LRRTM3: variants seen among roughly 807,000 people sequenced by gnomAD.
LRRTM3 encodes the protein leucine-rich repeat transmembrane neuronal protein 3.
Under a neutral mutation model 44.7 loss-of-function variants are expected in LRRTM3, and 24 were observed. The ratio of observed to expected loss-of-function variants is 0.54; its 90% CI spans 0.39 to 0.76. The LOEUF (loss-of-function observed/expected upper bound fraction) is 0.76. Among genes scored for constraint, LRRTM3 ranks in the 30% least tolerant of loss-of-function variants. The pLI is 0.00. For missense variants in LRRTM3, 587 were observed against 702.2 expected, an observed-to-expected ratio of 0.84 and a Z score of 1.85; for synonymous variants, 277 against 278.7, an observed-to-expected ratio of 0.99 and a Z score of 0.06.
At chr10:66,971,310 C>A (rs1017729345) in intron 2 of LRRTM3, among the ~76,000 whole-genome samples, 4 of 152,032 alleles carry the variant, frequency 2.6e-5, no homozygotes, top group Non-Finnish European at 2.9e-5. Flanking sequence ...CCTGTAATTC[C>A]AGCTACTCAG....
chr10:67,030,778 G>C (rs1853670140), intron 2 of LRRTM3, among the ~76,000 whole-genome samples: 1 of 152,116 alleles, frequency 6.6e-6, no homozygotes, highest in Non-Finnish European at 1.5e-5. Flanking sequence ...GGCCGAGGTG[G>C]GCAGATCACG....
chr10:67,083,018 G>A (rs538177730), intron 2 of LRRTM3, among the ~76,000 whole-genome samples: 1 of 152,282 alleles, frequency 6.6e-6, no homozygotes, highest in South Asian at 2.1e-4. Flanking sequence ...GAAGCCACCT[G>A]TGTGTTCTCA....
rs573283839 is a variant in LRRTM3, at chr10:66,975,514, G to A, written c.1536+47062G>A. Among the ~76,000 whole-genome samples the A allele has an allele frequency of 2.6e-5, 4 of 152,264 alleles. No homozygotes were observed. The South Asian group carries it at 8.3e-4, about 32-fold the overall frequency. On this transcript the variant is annotated intron_variant, in intron 2 of 2. Coordinates refer to ENST00000361320, the MANE Select transcript of LRRTM3 (RefSeq NM_178011.5). ...TTCAGGAAAAGCTTCGCAACTATTT[G>A]GCTGGATATTGCAAATCAGATCAAG...
At chr10:67,061,709 A>C (rs1007812680) in intron 2 of LRRTM3, among the ~76,000 whole-genome samples, 9 of 152,242 alleles carry the variant, frequency 5.9e-5, no homozygotes, top group Non-Finnish European at 1.3e-4. Context: ...ACGATATTTC[A>C]GCAGTTGTGT....
chr10:66,976,736 C>T (rs574298060), intron 2 of LRRTM3, among the ~76,000 whole-genome samples: 1 of 152,240 alleles, frequency 6.6e-6, no homozygotes, highest in African/African-American at 2.4e-5. Flanking sequence ...GAACTTAGTG[C>T]TGTTTTCTCA....
intron 2 of LRRTM3, among the ~76,000 whole-genome samples, chr10:67,022,059 G>A (rs1026001729): frequency 7.2e-5 from 11 of 152,142 alleles, no homozygotes; most frequent in Admixed American, 7.2e-4. Flanking sequence ...TATTTCTGAA[G>A]AAATATCAGT....
At chr10:67,076,606 TA>T (rs1218811589) in intron 2 of LRRTM3, among the ~76,000 whole-genome samples, 1 of 152,142 alleles carries the variant, frequency 6.6e-6, no homozygotes, top group African/African-American at 2.4e-5. Context: ...TGAATACAAA[TA>T]ACAGGTTTCA....
chr10:67,015,058 T>C (rs1852571948), intron 2 of LRRTM3, among the ~76,000 whole-genome samples: 2 of 152,016 alleles, frequency 1.3e-5, no homozygotes, highest in Admixed American at 6.5e-5. Context: ...AGGTAAAAAA[T>C]GGAAAAACTT....
At chr10:67,047,961 A>G (rs1356575727) in intron 2 of LRRTM3, among the ~76,000 whole-genome samples, 1 of 152,138 alleles carries the variant, frequency 6.6e-6, no homozygotes, top group Admixed American at 6.5e-5. Flanking sequence ...CTGAAGTGGG[A>G]AAGTGAGATT....
intron 2 of LRRTM3, among the ~76,000 whole-genome samples, chr10:67,088,259 G>A (rs1857421564): frequency 2.0e-5 from 3 of 151,556 alleles, no homozygotes; most frequent in Non-Finnish European, 4.4e-5. Flanking sequence ...ATATGGCCCA[G>A]AGAAGGCATT....
intron 2 of LRRTM3, among the ~76,000 whole-genome samples, chr10:66,978,180 GATGA>G (rs1564808164): frequency 6.6e-6 from 1 of 151,914 alleles, no homozygotes; most frequent in African/African-American, 2.4e-5. Flanking sequence ...AGTTATGCAA[GATGA>G]ATAAGTTCTA....
At chr10:67,024,385 C>T (rs1853222041) in intron 2 of LRRTM3, among the ~76,000 whole-genome samples, 2 of 152,206 alleles carry the variant, frequency 1.3e-5, no homozygotes, top group South Asian at 4.1e-4. Context: ...GTGAGCCCAC[C>T]TGGATAATCC....
At chr10:66,960,407 CTGAT>C (rs1455401236) in intron 2 of LRRTM3, among the ~76,000 whole-genome samples, 1 of 152,082 alleles carries the variant, frequency 6.6e-6, no homozygotes, top group Non-Finnish European at 1.5e-5. Context: ...CCAGCTAAGT[CTGAT>C]TGAATTTTTC....
At chr10:67,045,375 A>AT (rs998258940) in intron 2 of LRRTM3, among the ~76,000 whole-genome samples, 2 of 152,108 alleles carry the variant, frequency 1.3e-5, no homozygotes, top group Non-Finnish European at 2.9e-5. Flanking sequence ...AAATACCTCC[A>AT]TTTTTTAAAA....
chr10:67,003,010 G>A (rs372121115), intron 2 of LRRTM3, among the ~76,000 whole-genome samples: 3 of 152,102 alleles, frequency 2.0e-5, no homozygotes, highest in African/African-American at 7.2e-5. Context: ...TTGCTTTCAC[G>A]GTAATTATGA....
Position 67,050,032 on chromosome 10 carries a change from A to C in LRRTM3, c.1537-47555A>C, listed in dbSNP as rs569332566. 2.0e-5 allele frequency among the ~76,000 whole-genome samples: 3 copies of C among 152,318 alleles called. No individual in the cohort carries two copies. The South Asian group carries it at 6.2e-4, about 32-fold the overall frequency. ...TTGTAAGTTAGTAGATGCTGATCTC[A>C]CCAATTCATTGACTGTGGCTAGGCA... On this transcript the variant is annotated intron_variant, in intron 2 of 2. Transcript: ENST00000361320.
chr10:66,935,755 T>A (rs112977767), intron 2 of LRRTM3, among the ~76,000 whole-genome samples: 115 of 151,758 alleles, frequency 7.6e-4, no homozygotes, highest in Non-Finnish European at 1.2e-3. Context: ...TGATAAAAAG[T>A]GTTTTATGCG....
intron 2 of LRRTM3, among the ~76,000 whole-genome samples, chr10:66,952,131 G>A (rs150916243): frequency 1.3e-5 from 2 of 152,274 alleles, no homozygotes; most frequent in African/African-American, 4.8e-5. Flanking sequence ...CATAAGACAG[G>A]TGCAGAAATC....
At chr10:67,075,312 T>C (rs1047715173) in intron 2 of LRRTM3, among the ~76,000 whole-genome samples, 3 of 152,174 alleles carry the variant, frequency 2.0e-5, no homozygotes, top group African/African-American at 7.2e-5. Context: ...AAGCAATGGT[T>C]ACATTTAAAA....
Sources: gnomAD v4.1 joint callset for allele counts (sites outside exome capture counted in the v4.1 genomes callset) on GRCh38, gnomAD v4.1.1 for gene constraint, MANE v1.5 for transcripts, NCBI Gene and HGNC (gene_info 2026-07-23, HGNC 2026-07-21) for gene names.